Variants in PTPRD observed in about 807,000 individuals in gnomAD.
PTPRD encodes receptor-type tyrosine-protein phosphatase delta.
A neutral mutation model predicts 214.5 loss-of-function variants in PTPRD; 34 were observed. That is an observed-to-expected ratio of 0.16 (90% CI 0.12 to 0.21). The LOEUF (loss-of-function observed/expected upper bound fraction) is 0.21. PTPRD is among the 10% of genes least tolerant of loss of function. The probability of loss-of-function intolerance (pLI) is 1.00; values close to 1 mark genes in which losing one functional copy is unlikely to be tolerated. For synonymous variants in PTPRD, 1,128 were observed against 845.7 expected (o/e 1.33, Z -5.79); for missense variants, 2,545 against 2,398.7 (o/e 1.06, Z -1.27).
intron 7 of PTPRD, among the ~76,000 whole-genome samples, chr9:9,705,250 A>C (rs2097577122): frequency 6.6e-6 from 1 of 152,146 alleles, no homozygotes; most frequent in Non-Finnish European, 1.5e-5. Context: ...TGTGGTGCTG[A>C]ATTACTATAA....
intron 6 of PTPRD, among the ~76,000 whole-genome samples, chr9:9,739,255 T>C (rs1450633457): frequency 1.3e-5 from 2 of 152,200 alleles, no homozygotes; most frequent in Non-Finnish European, 2.9e-5. Flanking sequence ...TCCTTGTCTT[T>C]ATCTCAAAAG....
chr9:8,897,176 T>C (rs2098623913), intron 11 of PTPRD, among the ~76,000 whole-genome samples: 1 of 152,176 alleles, frequency 6.6e-6, no homozygotes, highest in Non-Finnish European at 1.5e-5. Context: ...TCAAGGAATA[T>C]TTATTAAATG....
At position 10,133,741 on chromosome 9, in the gene PTPRD, A is replaced by C. The variant is rs183924601; in HGVS notation, c.-544-99951T>G. Among the ~76,000 whole-genome samples the C allele has an allele frequency of 2.0e-5, 3 of 152,262 alleles. No homozygotes were observed. In the East Asian group the frequency reaches 5.8e-4, roughly 29 times the overall value. ...ATGTGCCTGTTTTAAATAATTTTTG[A>C]ATGAAGAATGCTTGAATTTCATAAA... On this transcript the variant is annotated intron_variant, in intron 3 of 45. Coordinates refer to ENST00000381196, the MANE Select transcript of PTPRD (RefSeq NM_002839.4).
intron 9 of PTPRD, among the ~76,000 whole-genome samples, chr9:9,228,962 C>A (rs1360627242): frequency 6.6e-6 from 1 of 152,000 alleles, no homozygotes; most frequent in African/African-American, 2.4e-5. Flanking sequence ...AGGGAGAGCA[C>A]AAAGGCTTAT....
At position 9,152,081 on chromosome 9, in the gene PTPRD, C is replaced by G. The variant is rs186136749; in HGVS notation, c.-143+31223G>C. 2.0e-5 allele frequency among the ~76,000 whole-genome samples: 3 copies of G among 152,260 alleles called. No homozygotes were observed. The East Asian group carries it at 5.8e-4, about 29-fold the overall frequency. On this transcript the variant is annotated intron_variant, in intron 10 of 45. Transcript: ENST00000381196. ...ATTTTGTTCTTTTCTGTCTTGATAACTGAGTTGGAATCTTCTGTGTCATTG... is the reference window on the plus strand; with the variant it reads ...ATTTTGTTCTTTTCTGTCTTGATAAGTGAGTTGGAATCTTCTGTGTCATTG...
intron 4 of PTPRD, among the ~76,000 whole-genome samples, chr9:9,968,014 G>C (rs1293301817): frequency 6.6e-6 from 1 of 152,134 alleles, no homozygotes; most frequent in Non-Finnish European, 1.5e-5. Context: ...CAGATCAGAA[G>C]ACAGTGATAA....
chr9:9,279,238 C>CA (rs1946772647), intron 9 of PTPRD, among the ~76,000 whole-genome samples: 1 of 149,146 alleles, frequency 6.7e-6, no homozygotes, highest in East Asian at 2.0e-4. Flanking sequence ...ATGCATATAT[C>CA]TATATAAGAA....
At chr9:8,544,740 G>C (rs902457075) in intron 14 of PTPRD, among the ~76,000 whole-genome samples, 1 of 151,436 alleles carries the variant, frequency 6.6e-6, no homozygotes, top group African/African-American at 2.4e-5. Flanking sequence ...CAAAGTGCTG[G>C]GATTACAGGC....
At chr9:10,440,552 A>C (rs887039201) in intron 2 of PTPRD, among the ~76,000 whole-genome samples, 1 of 151,642 alleles carries the variant, frequency 6.6e-6, no homozygotes, top group Non-Finnish European at 1.5e-5. Context: ...GACATAGAGA[A>C]AGATAGAGCA....
At chr9:8,349,533 T>A (rs981384201) in intron 39 of PTPRD, among the ~76,000 whole-genome samples, 3 of 152,190 alleles carry the variant, frequency 2.0e-5, no homozygotes, top group Admixed American at 6.6e-5. Flanking sequence ...TAGTGCTGTT[T>A]GTTTTTCATC....
intron 7 of PTPRD, among the ~76,000 whole-genome samples, chr9:9,714,733 G>A (rs1301523456): frequency 6.6e-6 from 1 of 152,158 alleles, no homozygotes; most frequent in South Asian, 2.1e-4. Flanking sequence ...TCTGCTGATG[G>A]TGGGAGGTGG....
At chr9:10,339,098 A>G (rs2096894269) in intron 3 of PTPRD, among the ~76,000 whole-genome samples, 1 of 151,730 alleles carries the variant, frequency 6.6e-6, no homozygotes, top group Non-Finnish European at 1.5e-5. Flanking sequence ...TTATTAGTGG[A>G]TACATGTAAG....
At chr9:10,454,518 G>T (rs1156866876) in intron 2 of PTPRD, among the ~76,000 whole-genome samples, 1 of 151,598 alleles carries the variant, frequency 6.6e-6, no homozygotes, top group African/African-American at 2.4e-5. Flanking sequence ...CCTCACTATT[G>T]TAACTCACAG....
At chr9:8,570,108 C>A (rs1173108544) in intron 14 of PTPRD, among the ~76,000 whole-genome samples, 1 of 152,016 alleles carries the variant, frequency 6.6e-6, no homozygotes, top group Non-Finnish European at 1.5e-5. Context: ...GAGATCGAGT[C>A]CATTAGAATT....
chr9:9,953,587 A>G (rs554783449), intron 4 of PTPRD, among the ~76,000 whole-genome samples: 7 of 152,222 alleles, frequency 4.6e-5, no homozygotes, highest in African/African-American at 1.7e-4. Context: ...ATAAGCTACC[A>G]TAACATTAAA....
chr9:9,140,152 C>T (rs1219323748), intron 10 of PTPRD, among the ~76,000 whole-genome samples: 1 of 150,160 alleles, frequency 6.7e-6, no homozygotes, highest in African/African-American at 2.5e-5. Flanking sequence ...AGAAAAAGTC[C>T]CTTCATAGGA....
chr9:8,904,603 CAAAA>C (rs2098694752), intron 11 of PTPRD, among the ~76,000 whole-genome samples: 1 of 146,072 alleles, frequency 6.8e-6, no homozygotes. Context: ...ACCCGGGAGG[CAAAA>C]GTTGCAGTGA....
intron 2 of PTPRD, among the ~76,000 whole-genome samples, chr9:10,357,534 G>A (rs185879825): frequency 7.6e-4 from 116 of 152,264 alleles, no homozygotes; most frequent in African/African-American, 2.3e-3. Flanking sequence ...CAGCTAATAC[G>A]TATGCAAAGT....
chr9:10,061,395 A>G (rs1178963189), intron 3 of PTPRD, among the ~76,000 whole-genome samples: 1 of 152,120 alleles, frequency 6.6e-6, no homozygotes, highest in Non-Finnish European at 1.5e-5. Flanking sequence ...ATTTCAGATT[A>G]CATTGCTTAG....
Sources: allele counts gnomAD v4.1 joint callset (sites outside exome capture counted in the v4.1 genomes callset), GRCh38; gene constraint gnomAD v4.1.1; transcripts MANE v1.5; gene names NCBI Gene and HGNC (gene_info 2026-07-23, HGNC 2026-07-21).